The following TLL2 variants were observed in gnomAD, a reference collection of about 807,000 sequenced individuals.
TLL2 encodes the protein tolloid like 2, also known as tolloid-like protein 2.
In TLL2, 106 loss-of-function variants were observed where a neutral mutation model predicts 123.0. The ratio of observed to expected loss-of-function variants is 0.86; its 90% CI spans 0.74 to 1.01. The LOEUF is 1.01. Among genes scored for constraint, TLL2 ranks in the 50% least tolerant of loss-of-function variants. TLL2 has a pLI of 0.00. For synonymous variants in TLL2, 494 were observed against 516.8 expected (o/e 0.96, Z 0.60); for missense variants, 1,332 against 1,336.7 (o/e 1.00, Z 0.06).
chr10:96,426,737 T>C (rs937569846), intron 5 of TLL2, among the ~76,000 whole-genome samples: 1 of 152,106 alleles, frequency 6.6e-6, no homozygotes, highest in Non-Finnish European at 1.5e-5. Flanking sequence ...TCTAATCTTA[T>C]GTATTTCTAT....
intron 16 of TLL2, 55 bp downstream of exon 16, chr10:96,384,532 G>A: frequency 6.8e-7 from 1 of 1,466,458 alleles, no homozygotes; most frequent in Non-Finnish European, 9.1e-7. Context: ...AGAGCCTGGA[G>A]TCTGCAAAGC....
chr10:96,473,518 C>T (rs1589431263), intron 2 of TLL2, among the ~76,000 whole-genome samples: 2 of 152,292 alleles, frequency 1.3e-5, no homozygotes, highest in Admixed American at 1.3e-4. Context: ...CAGAGTCTCT[C>T]CTGCTAATGT....
At chr10:96,441,079 G>A (rs1462010274) in intron 3 of TLL2, among the ~76,000 whole-genome samples, 3 of 152,176 alleles carry the variant, frequency 2.0e-5, no homozygotes, top group Non-Finnish European at 2.9e-5. Flanking sequence ...CTCTGGGAGC[G>A]AGCCCTGTCC....
At chr10:96,413,539 T>A (rs1243030262) in intron 7 of TLL2, among the ~76,000 whole-genome samples, 1 of 152,208 alleles carries the variant, frequency 6.6e-6, no homozygotes, top group Admixed American at 6.5e-5. Context: ...GGAAGATGAC[T>A]CTGCCAAGTG....
At chr10:96,478,633 G>T (rs1013372453) in intron 2 of TLL2, among the ~76,000 whole-genome samples, 1 of 152,192 alleles carries the variant, frequency 6.6e-6, no homozygotes, top group African/African-American at 2.4e-5. Context: ...TCATACAATA[G>T]AATACTGCAT....
chr10:96,380,683 A>C (rs1589406396), intron 16 of TLL2, among the ~76,000 whole-genome samples: 3 of 95,832 alleles, frequency 3.1e-5, no homozygotes, highest in African/African-American at 4.3e-5. Context: ...ACAGAGCGAG[A>C]CTCTATCTCA....
chr10:96,389,349 A>G (rs1846263807), intron 13 of TLL2, among the ~76,000 whole-genome samples: 1 of 152,196 alleles, frequency 6.6e-6, no homozygotes, highest in African/African-American at 2.4e-5. Flanking sequence ...ACAGCAGCAG[A>G]GTTGCTTTCA....
chr10:96,431,205 G>C (rs1225227136), intron 4 of TLL2, among the ~76,000 whole-genome samples: 1 of 152,016 alleles, frequency 6.6e-6, no homozygotes, highest in East Asian at 1.9e-4. Context: ...TTTTTCTTTA[G>C]GCACTCACCT....
At chr10:96,511,059 T>C (rs1007433919) in intron 1 of TLL2, among the ~76,000 whole-genome samples, 34 of 151,868 alleles carry the variant, frequency 2.2e-4, no homozygotes, top group African/African-American at 3.9e-4. Context: ...GAGTCCACAG[T>C]AGGAATGGAG....
chr10:96,391,908 T>C (rs901932821), intron 13 of TLL2, among the ~76,000 whole-genome samples: 3 of 152,244 alleles, frequency 2.0e-5, no homozygotes, highest in Non-Finnish European at 4.4e-5. Flanking sequence ...GACAGGCATC[T>C]GAAAAGATGT....
chr10:96,451,696 C>A (rs1483146476), intron 2 of TLL2, among the ~76,000 whole-genome samples: 1 of 152,084 alleles, frequency 6.6e-6, no homozygotes, highest in Non-Finnish European at 1.5e-5. Flanking sequence ...ATTTAATCCC[C>A]AAGCCAATTT....
intron 16 of TLL2, 146 bp downstream of exon 16, chr10:96,384,441 C>G (rs1159287658): frequency 3.0e-5 from 22 of 726,182 alleles, no homozygotes; most frequent in Non-Finnish European, 4.3e-5. Context: ...AGCCCTGGAT[C>G]TGGCACGCCC....
chr10:96,447,921 T>G (rs528357523), intron 2 of TLL2, among the ~76,000 whole-genome samples: 2 of 152,100 alleles, frequency 1.3e-5, no homozygotes, highest in Admixed American at 1.3e-4. Flanking sequence ...CACCCGGTGG[T>G]CTTCCCTGGC....
intron 13 of TLL2, among the ~76,000 whole-genome samples, chr10:96,391,518 G>C (rs867215392): frequency 2.0e-5 from 3 of 152,140 alleles, no homozygotes; most frequent in African/African-American, 7.2e-5. Context: ...TGGCTTTCAG[G>C]TCTCCTTAGT....
intron 2 of TLL2, among the ~76,000 whole-genome samples, chr10:96,469,353 T>G (rs539891793): frequency 6.6e-6 from 1 of 152,254 alleles, no homozygotes; most frequent in Admixed American, 6.5e-5. Context: ...AATCCTTACT[T>G]CCTACAAGAA....
intron 13 of TLL2, among the ~76,000 whole-genome samples, chr10:96,389,131 C>A (rs1439453522): frequency 6.6e-6 from 1 of 152,278 alleles, no homozygotes; most frequent in African/African-American, 2.4e-5. Context: ...AGAGTCCAGG[C>A]TTTAAAGTGA....
Position 96,397,270 on chromosome 10 carries a change from G to C in TLL2, c.1300C>G (p.Leu434Val), listed in dbSNP as rs779675054. 1.2e-6 allele frequency: 2 copies of C among 1,613,760 alleles called. No individual in the cohort carries two copies. Among genetic ancestry groups the C allele is most frequent in the Non-Finnish European group, 1.7e-6 (2 of 1,179,780 alleles). The change falls in exon 11 of 21, where the codon CTC becomes GTC. Residue 434 changes from leucine to valine, a missense_variant. Transcript: ENST00000357947. Reference protein sequence around the residue: ...RFCGDKIPEPLVSTDSRLWVE... With the variant: ...RFCGDKIPEPVVSTDSRLWVE... ...CAGAGCCGGCTGTCCGTGGAGACGA[G>C]GGGCTCCGGGATCTTATCGCCACAA...
rs73324508 is a variant in TLL2 at position 96,368,263 on chromosome 10, T to C, written c.2914-41A>G. ...AGGGAAACGAGAAGGACTTTAGCTG[T>C]GATTGGAGTTGAAAATGAGGAGGAT... On this transcript the variant is annotated intron_variant, in intron 20 of 20. Coordinates refer to ENST00000357947, the MANE Select transcript of TLL2 (RefSeq NM_012465.4). The C allele has an allele frequency of 2.1e-3, 3,304 of 1,604,362 alleles. 55 individuals are homozygous for C. In the African/African-American group the frequency reaches 0.034, roughly 16 times the overall value.
At chr10:96,464,586 G>A (rs1847111204) in intron 2 of TLL2, among the ~76,000 whole-genome samples, 1 of 151,966 alleles carries the variant, frequency 6.6e-6, no homozygotes, top group African/African-American at 2.4e-5. Context: ...GTGCCCAGAT[G>A]GCAATTAATC....
Sources: gnomAD v4.1 joint callset for allele counts (sites outside exome capture counted in the v4.1 genomes callset) on GRCh38, gnomAD v4.1.1 for gene constraint, MANE v1.5 for transcripts, NCBI Gene and HGNC (gene_info 2026-07-23, HGNC 2026-07-21) for gene names.